The following SLC13A3 variants were observed in gnomAD, a reference collection of about 807,000 sequenced individuals.
SLC13A3 encodes solute carrier family 13 member 3, also known as Na(+)/dicarboxylate cotransporter 3.
SLC13A3 carries 40 observed loss-of-function variants against 59.0 expected under a neutral mutation model. The observed-to-expected ratio is 0.68, with a 90% CI of 0.53 to 0.88. The LOEUF (loss-of-function observed/expected upper bound fraction) is 0.88. Among genes scored for constraint, SLC13A3 ranks in the 40% least tolerant of loss-of-function variants. SLC13A3 has a pLI of 0.00. For synonymous variants in SLC13A3, 317 were observed against 330.3 expected (o/e 0.96, Z 0.44); for missense variants, 699 against 783.2 (o/e 0.89, Z 1.28).
At chr20:46,643,199 G>A (rs1034167502) in intron 1 of SLC13A3, among the ~76,000 whole-genome samples, 1 of 152,224 alleles carries the variant, frequency 6.6e-6, no homozygotes, top group African/African-American at 2.4e-5. Context: ...GGGTGGGAAG[G>A]GGGGAAGGGG....
intron 1 of SLC13A3, among the ~76,000 whole-genome samples, chr20:46,640,296 A>G (rs2062835166): frequency 6.6e-6 from 1 of 152,046 alleles, no homozygotes; most frequent in Non-Finnish European, 1.5e-5. Context: ...GAGGGCTGGT[A>G]AGGTCCTGCA....
Position 46,560,174 on chromosome 20 carries a change from G to C in SLC13A3, c.1657C>G (p.Leu553Val). The C allele has an allele frequency of 6.2e-7, 1 of 1,614,156 alleles. No individual in the cohort carries two copies. The highest frequency in any genetic ancestry group is 1.1e-5 in the South Asian group (1 of 91,082). The change falls in exon 13 of 13, where the codon CTG (leucine) becomes GTG (valine). Residue 553 changes from leucine (L) to valine (V), a missense_variant. Physicochemically the swap from Leu to Val is conservative, Grantham distance 32. Transcript: ENST00000279027. Reference sequence around the variant, plus strand: ...AAACTGAGCAGCAGGACACCCATCAGGTTCATCAGGAGGCCTGTCCGCACC... The same window carrying C: ...AAACTGAGCAGCAGGACACCCATCACGTTCATCAGGAGGCCTGTCCGCACC... Reference protein sequence around the residue: ...DMVRTGLLMNLMGVLLLSLAM... With the variant: ...DMVRTGLLMNVMGVLLLSLAM...
At chr20:46,667,987 C>T (rs1021616518) in intron 1 of SLC13A3, among the ~76,000 whole-genome samples, 7 of 152,222 alleles carry the variant, frequency 4.6e-5, no homozygotes, top group South Asian at 4.2e-4. Flanking sequence ...CCATATAAGA[C>T]GGCAAATTTA....
chr20:46,647,021 A>C (rs1004910307), intron 1 of SLC13A3, among the ~76,000 whole-genome samples: 2 of 152,148 alleles, frequency 1.3e-5, no homozygotes, highest in Admixed American at 6.5e-5. Context: ...CATCCCCCCC[A>C]AATATCTCTA....
chr20:46,677,654 A>G (rs913750036), intron 1 of SLC13A3, among the ~76,000 whole-genome samples: 3 of 152,118 alleles, frequency 2.0e-5, no homozygotes, highest in African/African-American at 7.2e-5. Flanking sequence ...GGCCCTGGGG[A>G]AGATACATGC....
intron 1 of SLC13A3, among the ~76,000 whole-genome samples, chr20:46,628,102 T>C (rs1174705337): frequency 6.6e-6 from 1 of 152,178 alleles, no homozygotes; most frequent in Non-Finnish European, 1.5e-5. Context: ...GTTCATTCTG[T>C]GTGTTTGCAA....
chr20:46,613,953 CT>C (rs1386478423), intron 1 of SLC13A3: 1 of 467,984 alleles, frequency 2.1e-6, no homozygotes, highest in Non-Finnish European at 3.8e-6. Context: ...CCTCATTTTG[CT>C]CAATTATAAA....
At chr20:46,642,372 A>C (rs949104889) in intron 1 of SLC13A3, among the ~76,000 whole-genome samples, 1 of 152,120 alleles carries the variant, frequency 6.6e-6, no homozygotes, top group African/African-American at 2.4e-5. Flanking sequence ...CACTGTGCTG[A>C]CCCTCGGTGC....
At chr20:46,667,129 T>G (rs570602149) in intron 1 of SLC13A3, among the ~76,000 whole-genome samples, 2 of 152,154 alleles carry the variant, frequency 1.3e-5, no homozygotes, top group Non-Finnish European at 2.9e-5. Context: ...CTGTCTCCCA[T>G]GACCTTTCAG....
chr20:46,578,848 C>T (rs531462712), intron 9 of SLC13A3, among the ~76,000 whole-genome samples: 6 of 152,018 alleles, frequency 3.9e-5, no homozygotes, highest in South Asian at 2.1e-4. Context: ...GAGTGAGTCA[C>T]GAAGATCCCT....
intron 5 of SLC13A3, among the ~76,000 whole-genome samples, chr20:46,594,977 G>A (rs746376124): frequency 9.9e-5 from 15 of 152,138 alleles, no homozygotes; most frequent in Non-Finnish European, 2.2e-4. Context: ...CCTCTCTCGG[G>A]GAGATCAGCA....
chr20:46,617,901 G>A (rs535022096), intron 1 of SLC13A3, among the ~76,000 whole-genome samples: 1 of 152,178 alleles, frequency 6.6e-6, no homozygotes, highest in African/African-American at 2.4e-5. Context: ...GACCCAAGAA[G>A]GAATGCCCCA....
intron 9 of SLC13A3, 87 bp downstream of exon 9, chr20:46,583,485 C>T: frequency 6.4e-7 from 1 of 1,560,630 alleles, no homozygotes; most frequent in Non-Finnish European, 8.6e-7. Context: ...GTGGTTAGTG[C>T]AGTGGGGGGC....
At position 46,667,930 on chromosome 20, in the gene SLC13A3, T is replaced by C. The variant is rs577543534; in HGVS notation, c.-31+2113A>G. Among the ~76,000 whole-genome samples, 3 of 152,324 alleles carry C rather than the reference T, an allele frequency of 2.0e-5. No individual in the cohort carries two copies. The East Asian group carries it at 5.8e-4, about 29-fold the overall frequency. The stretch of plus-strand genomic sequence containing the variant: ...TGTTATGCTGATCTGTGATCAGTGA[T>C]CTTTGAAGTTACTATTGTAATTGTT... On this transcript the variant is annotated intron_variant, in intron 1 of 12. Transcript: ENST00000290317.
At chr20:46,676,537 G>A (rs917919998) in intron 1 of SLC13A3, among the ~76,000 whole-genome samples, 7 of 151,158 alleles carry the variant, frequency 4.6e-5, no homozygotes, top group East Asian at 2.0e-4. Flanking sequence ...TTACAGGCAC[G>A]AGCCACTGCG....
intron 1 of SLC13A3, among the ~76,000 whole-genome samples, chr20:46,669,868 TTTAAC>T (rs1175218204): frequency 6.6e-6 from 1 of 152,194 alleles, no homozygotes. Flanking sequence ...TTAAGTGCCT[TTTAAC>T]TTAGGATATT....
At chr20:46,631,502 G>A (rs1054596686) in intron 1 of SLC13A3, among the ~76,000 whole-genome samples, 1 of 152,126 alleles carries the variant, frequency 6.6e-6, no homozygotes, top group African/African-American at 2.4e-5. Flanking sequence ...AGCAGGAGTT[G>A]GGAGCAGGGC....
intron 1 of SLC13A3, among the ~76,000 whole-genome samples, chr20:46,620,675 G>GA (rs895413928): frequency 4.3e-4 from 65 of 151,536 alleles, no homozygotes; most frequent in African/African-American, 1.3e-3. Context: ...GATCTGCAAG[G>GA]AAAAAAAAAT....
At chr20:46,603,640 G>A (rs542135461) in intron 3 of SLC13A3, among the ~76,000 whole-genome samples, 8 of 151,206 alleles carry the variant, frequency 5.3e-5, no homozygotes, top group East Asian at 3.9e-4. Flanking sequence ...CTCTCACCTC[G>A]GCCTCCCAAA....
Sources: allele counts gnomAD v4.1 joint callset (sites outside exome capture counted in the v4.1 genomes callset), GRCh38; gene constraint gnomAD v4.1.1; transcripts MANE v1.5; gene names NCBI Gene and HGNC (gene_info 2026-07-23, HGNC 2026-07-21).